The following SPTBN4 variants were observed in gnomAD, a reference collection of about 807,000 sequenced individuals.
The protein encoded by SPTBN4 is spectrin beta, non-erythrocytic 4, also known as spectrin beta chain, non-erythrocytic 4.
In SPTBN4, 96 loss-of-function variants were observed where a neutral mutation model predicts 277.8. The ratio of observed to expected loss-of-function variants is 0.35; its 90% CI spans 0.29 to 0.41. SPTBN4 has a LOEUF of 0.41. SPTBN4 is among the 10% of genes least tolerant of loss of function. The pLI is 1.00. For synonymous variants in SPTBN4, 1,481 were observed against 1,580.3 expected (o/e 0.94, Z 1.49); for missense variants, 3,006 against 3,595.7 (o/e 0.84, Z 4.19).
Position 40,502,766 on chromosome 19 carries a change from C to T in SPTBN4, c.1204-9C>T, listed in dbSNP as rs768026382. 2 of 1,612,992 alleles carry T rather than the reference C, an allele frequency of 1.2e-6. No homozygotes were observed. Among genetic ancestry groups the T allele is most frequent in the Non-Finnish European group, 1.7e-6 (2 of 1,179,528 alleles). On this transcript the variant is annotated splice_polypyrimidine_tract_variant and intron_variant, in intron 10 of 35. Coordinates refer to ENST00000598249, the MANE Select transcript of SPTBN4 (RefSeq NM_020971.3). This position sits in a 1 kb window ranked among gnomAD's most constrained non-coding sequence, Gnocchi z 4.9. ...TCAGAGTCTGAGTGCCTCCTCCCATCTCCTGCAGGCATGGGGTGAGCTGGA... is the reference window on the plus strand; with the variant it reads ...TCAGAGTCTGAGTGCCTCCTCCCATTTCCTGCAGGCATGGGGTGAGCTGGA...
At position 40,560,310 on chromosome 19, in the gene SPTBN4, C is replaced by T. The variant is rs2081029080; in HGVS notation, c.5822C>T (p.Thr1941Ile). 2 of 1,614,028 alleles carry T rather than the reference C, an allele frequency of 1.2e-6. No homozygotes were observed. The highest frequency in any genetic ancestry group is 1.7e-6 in the Non-Finnish European group (2 of 1,180,020). The change falls in exon 27 of 36, where the codon ACA (threonine) becomes ATA (isoleucine). Residue 1941 changes from threonine to isoleucine, a missense_variant. Transcript: ENST00000598249. This position sits in a 1 kb window ranked among gnomAD's most constrained non-coding sequence, Gnocchi z 5.2. ...GATGCCCGCCTGCATGTCAGCTCCA[C>T]AGCCGACGCCCTGCGCTTCCACAGC... Reference protein sequence around the residue: ...CEDARLHVSSTADALRFHSQV... With the variant: ...CEDARLHVSSIADALRFHSQV...
At chr19:40,483,984 G>A (rs1211889844) in intron 2 of SPTBN4, among the ~76,000 whole-genome samples, 4 of 152,162 alleles carry the variant, frequency 2.6e-5, no homozygotes, top group African/African-American at 9.7e-5. Context: ...AGCTGAGGTG[G>A]AACGATGGCT....
At chr19:40,492,942 C>A (rs1199222878) in intron 4 of SPTBN4, 21 bp from the exon 5 acceptor site, 1 of 1,611,526 alleles carries the variant, frequency 6.2e-7, no homozygotes. Context: ...GCCCTGGTAG[C>A]CATTTTTTGT....
chr19:40,485,338 A>G (rs1049883971), intron 2 of SPTBN4, among the ~76,000 whole-genome samples: 23 of 151,854 alleles, frequency 1.5e-4, no homozygotes, highest in Non-Finnish European at 2.1e-4. Context: ...TTTAGAAGAG[A>G]CAGTGTTCGA....
intron 20 of SPTBN4, among the ~76,000 whole-genome samples, chr19:40,547,204 G>A (rs1386209233): frequency 4.3e-5 from 5 of 115,688 alleles, no homozygotes; most frequent in South Asian, 2.7e-4. Context: ...GACAGGCCCC[G>A]GTGTGTGATG....
intron 20 of SPTBN4, among the ~76,000 whole-genome samples, chr19:40,548,011 T>A (rs2080877099): frequency 6.6e-6 from 1 of 152,192 alleles, no homozygotes; most frequent in Non-Finnish European, 1.5e-5. Flanking sequence ...AAGGAAAGGA[T>A]CCAGCTAAAT....
At position 40,490,289 on chromosome 19, in the gene SPTBN4, A is replaced by G. The variant is rs770415938; in HGVS notation, c.495+41A>G. 6.3e-7 allele frequency: 1 copy of G among 1,586,184 alleles called. No individual in the cohort carries two copies. The highest frequency in any genetic ancestry group is 8.6e-7 in the Non-Finnish European group (1 of 1,164,042). On this transcript the variant is annotated intron_variant, in intron 4 of 35. Transcript: ENST00000598249. The surrounding 1 kb of genome is among the most constrained non-coding windows in gnomAD (Gnocchi z 4.3). ...CCCCTGCCAAGCCCCGCAACATGGG[A>G]CTTAGGAAAGCGTTCCCCACCATTT...
rs1021244101 is a variant in SPTBN4, at chr19:40,512,971, G to A, written c.2182G>A (p.Ala728Thr). 4.3e-6 allele frequency: 6 copies of A among 1,411,416 alleles called. No individual in the cohort carries two copies. The highest frequency in any genetic ancestry group is 5.5e-6 in the Non-Finnish European group (6 of 1,092,848). 87.4% of individuals were successfully genotyped at this position (1,411,416 alleles called of 1,614,324 possible). A position where few individuals can be genotyped will look rare whatever the true frequency, so the allele number is the denominator to read the frequency against. ...ALRCGEELVA[A>T]GGAVGPGADT... ...GCGGTGTGGCGAGGAGCTGGTTGCG[G>A]CCGGCGGTGCCGTCGGCCCGGGAGC... The change falls in exon 14 of 36, where the codon GCC (alanine) becomes ACC (threonine). Residue 728 changes from alanine to threonine, a missense_variant. Coordinates refer to ENST00000598249, the MANE Select transcript of SPTBN4 (RefSeq NM_020971.3).
In SPTBN4 at chr19:40,565,680, A is replaced by G; in HGVS notation, c.6074A>G (p.Lys2025Arg). Residue 2025 changes from lysine to arginine, a missense_variant, in exon 29 of 36, where the codon AAG (lysine) becomes AGG (arginine). Physicochemically the swap from Lys to Arg is conservative, Grantham distance 26. Transcript: ENST00000598249. The stretch of plus-strand genomic sequence containing the variant: ...TCCCAGATCCAGGCACAGCTGGACA[A>G]GCTGGGAACCAGGAAGGAGGAGGTG... ...MADEIQAQLD[K>R]LGTRKEEVSE... is the part of the protein sequence containing the mutation. 3.9e-6 allele frequency: 6 copies of G among 1,555,956 alleles called. No homozygotes were observed. The highest frequency in any genetic ancestry group is 5.2e-6 in the Non-Finnish European group (6 of 1,149,240).
At chr19:40,556,013 G>T in intron 24 of SPTBN4, 71 bp from the exon 25 acceptor site, 1 of 1,404,008 alleles carries the variant, frequency 7.1e-7, no homozygotes. Flanking sequence ...CTGGGGAGGG[G>T]GTTTAGGGGG....
intron 17 of SPTBN4, among the ~76,000 whole-genome samples, chr19:40,528,055 CAA>C (rs751179742): frequency 5.9e-4 from 20 of 33,646 alleles, no homozygotes; most frequent in Non-Finnish European, 3.1e-4. Flanking sequence ...GACTCCATCT[CAA>C]AAAAAAAAAA....
chr19:40,502,053 G>A lies in SPTBN4; in HGVS notation c.897+20G>A. The A allele has an allele frequency of 1.2e-6, 2 of 1,613,958 alleles. No homozygotes were observed. The highest frequency in any genetic ancestry group is 1.7e-6 in the Non-Finnish European group (2 of 1,179,962). ...GGGAAGGTATAAGGAGCCAAGGAGT[G>A]GGTGAGTGGGAAGCTGGAAGCTGGT... On this transcript the variant is annotated intron_variant, in intron 8 of 35. Coordinates refer to ENST00000598249, the MANE Select transcript of SPTBN4 (RefSeq NM_020971.3). This position sits in a 1 kb window ranked among gnomAD's most constrained non-coding sequence, Gnocchi z 4.9.
rs141995673 is a variant in SPTBN4, at chr19:40,506,313, G to C, written c.1743G>C (p.Glu581Asp). ...TGTTGCAGAAGCATGGACTGCTGGAGGGAGACATTGCCGCCCAGAGCGAGC... is the reference window on the plus strand; with the variant it reads ...TGTTGCAGAAGCATGGACTGCTGGACGGAGACATTGCCGCCCAGAGCGAGC... ...DDLLQKHGLLEGDIAAQSERV... is the reference protein window; with the variant it reads ...DDLLQKHGLLDGDIAAQSERV... Residue 581 changes from glutamate to aspartate, a missense_variant, in exon 13 of 36, where the codon GAG becomes GAC. Around this residue, in one of 5 missense-constraint regions of SPTBN4, gnomAD observed 1,759 missense variants for 2,061.5 expected, o/e 0.85. Transcript: ENST00000598249. 1 of 1,614,120 alleles carries C rather than the reference G, an allele frequency of 6.2e-7. No individual in the cohort carries two copies. Among genetic ancestry groups the C allele is most frequent in the Non-Finnish European group, 8.5e-7 (1 of 1,179,914 alleles).
intron 12 of SPTBN4, among the ~76,000 whole-genome samples, chr19:40,505,626 C>G (rs559530041): frequency 6.6e-6 from 1 of 150,534 alleles, no homozygotes; most frequent in East Asian, 1.9e-4. Context: ...GCTGAGATCG[C>G]GCCACTGCAC....
Position 40,554,481 on chromosome 19 carries a change from G to A in SPTBN4, c.4954-35G>A, listed in dbSNP as rs1385077562. 3 of 1,486,154 alleles carry A rather than the reference G, an allele frequency of 2.0e-6. No individual in the cohort carries two copies. Among genetic ancestry groups the A allele is most frequent in the African/African-American group, 1.4e-5 (1 of 71,018 alleles). 92.1% of individuals were successfully genotyped at this position (1,486,154 alleles called of 1,614,324 possible). ...GGGGGCGCTGGAGCCGGGGGCCGCC[G>A]CTGCCGCCTCATCGTGGGCGCTTTG... On this transcript the variant is annotated intron_variant, in intron 23 of 35. Coordinates refer to ENST00000598249, the MANE Select transcript of SPTBN4 (RefSeq NM_020971.3). This position sits in a 1 kb window ranked among gnomAD's most constrained non-coding sequence, Gnocchi z 5.7.
chr19:40,566,391 CACCCCCACCAAG>C, intron 30 of SPTBN4, 32 bp downstream of exon 30: 13 of 1,472,900 alleles, frequency 8.8e-6, no homozygotes, highest in Non-Finnish European at 1.2e-5. Flanking sequence ...CCATTACCCC[CACCCCCACCAAG>C]ACCCCCACAC....
At position 40,503,869 on chromosome 19, in the gene SPTBN4, A is replaced by G. The variant is rs769073433; in HGVS notation, c.1402A>G (p.Met468Val). 19 of 1,604,942 alleles carry G rather than the reference A, an allele frequency of 1.2e-5. No individual in the cohort carries two copies. The highest frequency in any genetic ancestry group is 1.6e-5 in the Non-Finnish European group (19 of 1,173,134). Residue 468 changes from methionine to valine, a missense_variant, in exon 12 of 36, where the codon ATG (methionine) becomes GTG (valine). Physicochemically the swap from Met to Val is conservative, Grantham distance 21. This residue lies in a region of SPTBN4 where 1,759 missense variants were observed against 2,061.5 expected (regional missense o/e 0.85). Coordinates refer to ENST00000598249, the MANE Select transcript of SPTBN4 (RefSeq NM_020971.3). ...GYELPAVEAAMKKHEAIEADI... is the reference protein window; with the variant it reads ...GYELPAVEAAVKKHEAIEADI... ...TGAGCTGCCCGCAGTGGAGGCAGCC[A>G]TGAAGAAACACGAAGCGATCGAGGC...
Position 40,519,774 on chromosome 19 carries a change from T to C in SPTBN4, c.3277T>C (p.Phe1093Leu). Residue 1093 changes from phenylalanine to leucine, a missense_variant, in exon 16 of 36, where the codon TTC (phenylalanine) becomes CTC (leucine). This residue lies in a region of SPTBN4 where 1,759 missense variants were observed against 2,061.5 expected (regional missense o/e 0.85). Coordinates refer to ENST00000598249, the MANE Select transcript of SPTBN4 (RefSeq NM_020971.3). The surrounding 1 kb of genome is among the most constrained non-coding windows in gnomAD (Gnocchi z 5.7). ...AVAAAGRLQR[F>L]LHDLDAFLDW... ...GGCGGCAGCAGGGCGCCTGCAGCGCTTCCTACATGACCTCGACGCTTTCCT... is the reference window on the plus strand; with the variant it reads ...GGCGGCAGCAGGGCGCCTGCAGCGCCTCCTACATGACCTCGACGCTTTCCT... 7.1e-7 allele frequency: 1 copy of C among 1,414,666 alleles called. No individual in the cohort carries two copies. Among genetic ancestry groups the C allele is most frequent in the Non-Finnish European group, 9.1e-7 (1 of 1,098,242 alleles). The allele number at this position is 1,414,666 out of a possible 1,614,324, so 87.6% of individuals were successfully genotyped here.
chr19:40,570,942 A>G (rs1201654179), intron 33 of SPTBN4: 1 of 406,506 alleles, frequency 2.5e-6, no homozygotes, highest in Non-Finnish European at 4.3e-6. Context: ...AGGCCCTCCA[A>G]CCCGTGGGGG....
Sources: gnomAD v4.1 joint callset for allele counts (sites outside exome capture counted in the v4.1 genomes callset) on GRCh38, gnomAD v4.1.1 for gene constraint, gnomAD v4.1.1 regional missense constraint, Gnocchi (gnomAD v3.1) non-coding constraint, MANE v1.5 for transcripts, NCBI Gene and HGNC (gene_info 2026-07-23, HGNC 2026-07-21) for gene names.